MARCHF1: variants seen among roughly 807,000 people sequenced by gnomAD.
MARCHF1 encodes the protein membrane associated ring-CH-type finger 1.
In MARCHF1, 40 loss-of-function variants were observed where a neutral mutation model predicts 54.2. The observed-to-expected ratio is 0.74, with a 90% CI of 0.57 to 0.96. The LOEUF (loss-of-function observed/expected upper bound fraction) is 0.96. MARCHF1 is among the 40% of genes least tolerant of loss of function. The pLI is 0.00. For synonymous variants in MARCHF1, 236 were observed against 236.3 expected, an observed-to-expected ratio of 1.00 and a Z score of 0.01; for missense variants, 586 against 656.5, an observed-to-expected ratio of 0.89 and a Z score of 1.17.
intron 1 of MARCHF1, among the ~76,000 whole-genome samples, chr4:164,288,450 C>T (rs1286042249): frequency 2.0e-5 from 3 of 151,870 alleles, no homozygotes; most frequent in Non-Finnish European, 4.4e-5. Flanking sequence ...GATGGAGATT[C>T]AATTCTGTTA....
intron 1 of MARCHF1, among the ~76,000 whole-genome samples, chr4:164,131,565 T>C (rs529236756): frequency 3.2e-4 from 49 of 152,268 alleles, no homozygotes; most frequent in African/African-American, 1.2e-3. Context: ...TTAGGTAATA[T>C]AAATGTATAC....
At chr4:163,911,984 G>A (rs1403805080) in intron 3 of MARCHF1, among the ~76,000 whole-genome samples, 1 of 152,060 alleles carries the variant, frequency 6.6e-6, no homozygotes, top group African/African-American at 2.4e-5. Flanking sequence ...TTAATCAAGA[G>A]AGATATTTCT....
chr4:164,348,749 G>A lies in MARCHF1; in HGVS notation c.-323+35121C>T, dbSNP rs576821905. Among the ~76,000 whole-genome samples the A allele has an allele frequency of 1.6e-4, 25 of 152,250 alleles. 1 individual carries two copies. In the South Asian group the frequency reaches 4.3e-3, roughly 26 times the overall value. Reference sequence around the variant, plus strand: ...GACACTATTCTCGCCTAGAAACATGGTCTCCTGGTCTTCAGTCATTAAGTG... The same window carrying A: ...GACACTATTCTCGCCTAGAAACATGATCTCCTGGTCTTCAGTCATTAAGTG... On this transcript the variant is annotated intron_variant, in intron 1 of 9. Coordinates refer to ENST00000514618, the MANE Select transcript of MARCHF1 (RefSeq NM_001394959.1).
At chr4:163,725,213 A>G (rs1299226162) in intron 4 of MARCHF1, among the ~76,000 whole-genome samples, 2 of 152,190 alleles carry the variant, frequency 1.3e-5, no homozygotes, top group African/African-American at 4.8e-5. Context: ...GCATAACATT[A>G]TAGTTTATTT....
At position 163,661,608 on chromosome 4, in the gene MARCHF1, A is replaced by G. The variant is rs549404337; in HGVS notation, c.162+39205T>C. Among the ~76,000 whole-genome samples, 6 of 152,172 alleles carry G rather than the reference A, an allele frequency of 3.9e-5. No individual in the cohort carries two copies. In the South Asian group the frequency reaches 1.2e-3, roughly 32 times the overall value. The stretch of plus-strand genomic sequence containing the variant: ...TTTGATACTTTAAAAAGTTTTTAAT[A>G]GCTTTATTGATGTATAATTGACATG... On this transcript the variant is annotated intron_variant, in intron 5 of 9. Transcript: ENST00000514618.
intron 4 of MARCHF1, among the ~76,000 whole-genome samples, chr4:163,769,542 T>C (rs924209757): frequency 1.3e-5 from 2 of 152,170 alleles, no homozygotes; most frequent in Non-Finnish European, 2.9e-5. Flanking sequence ...ATCAAACCCA[T>C]GTCTGTCCCA....
intron 1 of MARCHF1, among the ~76,000 whole-genome samples, chr4:164,288,169 G>T (rs1306618281): frequency 6.6e-6 from 1 of 151,888 alleles, no homozygotes; most frequent in East Asian, 1.9e-4. Context: ...CTGAGGTCTG[G>T]GTATTCATAG....
chr4:164,166,496 C>A (rs950516614), intron 1 of MARCHF1, among the ~76,000 whole-genome samples: 1 of 151,842 alleles, frequency 6.6e-6, no homozygotes, highest in South Asian at 2.1e-4. Context: ...AGGAAAACAT[C>A]CCAACATATT....
chr4:163,915,976 A>G (rs1751300114), intron 3 of MARCHF1, among the ~76,000 whole-genome samples: 1 of 152,166 alleles, frequency 6.6e-6, no homozygotes, highest in Non-Finnish European at 1.5e-5. Flanking sequence ...TACCAAATTC[A>G]GTGGTTTATG....
intron 1 of MARCHF1, among the ~76,000 whole-genome samples, chr4:164,281,133 G>C (rs1216413119): frequency 6.6e-6 from 1 of 152,048 alleles, no homozygotes; most frequent in Non-Finnish European, 1.5e-5. Flanking sequence ...CAGGTACATA[G>C]GCATCATTTA....
chr4:164,041,815 T>G (rs6852063), intron 2 of MARCHF1, among the ~76,000 whole-genome samples: 40,070 of 152,054 alleles, frequency 0.26, 5,476 homozygotes, highest in Middle Eastern at 0.44. Context: ...AGCATTGATC[T>G]AAAGATGCAT....
chr4:164,097,343 C>T (rs1273976706), intron 2 of MARCHF1, among the ~76,000 whole-genome samples: 1 of 152,146 alleles, frequency 6.6e-6, no homozygotes, highest in African/African-American at 2.4e-5. Context: ...TTGATCATCT[C>T]TTGAATCCTT....
At chr4:163,683,277 C>A (rs564513281) in intron 5 of MARCHF1, among the ~76,000 whole-genome samples, 24 of 152,204 alleles carry the variant, frequency 1.6e-4, no homozygotes, top group Non-Finnish European at 1.8e-4. Flanking sequence ...ACATGGTGGT[C>A]GACAAGAGAA....
intron 1 of MARCHF1, among the ~76,000 whole-genome samples, chr4:164,344,697 A>C (rs1406049457): frequency 6.6e-6 from 1 of 152,182 alleles, no homozygotes; most frequent in African/African-American, 2.4e-5. Context: ...GGAGTTTGTG[A>C]ACTACTTTTT....
chr4:164,265,754 C>G (rs1050839358), intron 1 of MARCHF1, among the ~76,000 whole-genome samples: 1 of 152,010 alleles, frequency 6.6e-6, no homozygotes, highest in Non-Finnish European at 1.5e-5. Flanking sequence ...AAGACAAGCT[C>G]TTCCCAGAAC....
At chr4:164,304,979 A>G (rs1344234337) in intron 1 of MARCHF1, among the ~76,000 whole-genome samples, 3 of 152,296 alleles carry the variant, frequency 2.0e-5, no homozygotes, top group South Asian at 4.1e-4. Context: ...GAATGTTTTC[A>G]TCAAATAAAT....
chr4:164,136,793 G>A (rs1444706299), intron 1 of MARCHF1, among the ~76,000 whole-genome samples: 1 of 152,188 alleles, frequency 6.6e-6, no homozygotes, highest in African/African-American at 2.4e-5. Context: ...ACCAACTCAT[G>A]TTACCTGGGA....
In MARCHF1 at chr4:163,528,709, A is replaced by AAAG. The variant is rs1479754453; in HGVS notation, c.*36_*38dup. On this transcript the variant is annotated 3_prime_UTR_variant, in exon 10 of 10. Transcript: ENST00000514618. ...GTCATTTGTAGTGGCTGAGGGCTAG[A>AAAG]AAGATATTCTTCGGTGAAGAAACTC... 6.4e-7 allele frequency: 1 copy of AAAG among 1,565,486 alleles called. No homozygotes were observed. The highest frequency in any genetic ancestry group is 8.7e-7 in the Non-Finnish European group (1 of 1,153,102).
chr4:163,634,319 A>C (rs1742227430), intron 5 of MARCHF1, among the ~76,000 whole-genome samples: 1 of 150,860 alleles, frequency 6.6e-6, no homozygotes, highest in African/African-American at 2.5e-5. Context: ...ATAAAGAGTC[A>C]AGACCCATCA....
Sources: gnomAD v4.1 joint callset for allele counts (sites outside exome capture counted in the v4.1 genomes callset) on GRCh38, gnomAD v4.1.1 for gene constraint, MANE v1.5 for transcripts, NCBI Gene and HGNC (gene_info 2026-07-23, HGNC 2026-07-21) for gene names.